Variants in GEMIN8 observed in about 807,000 individuals in gnomAD.
The protein encoded by GEMIN8 is gem-associated protein 8.
For synonymous variants in GEMIN8, 80 were observed against 78.5 expected, an observed-to-expected ratio of 1.02 and a Z score of -0.10; for missense variants, 185 against 205.9, an observed-to-expected ratio of 0.90 and a Z score of 0.62.
chrX:14,001,008 T>C, the GEMIN8 span, among the ~76,000 whole-genome samples: 1 of 112,517 alleles, frequency 8.9e-6, no homozygotes, highest in South Asian at 3.7e-4. Flanking sequence ...TCTACTTTTC[T>C]GTCTTCAGCT....
chrX:14,011,065 C>T (rs147966682), intron 4 of GEMIN8, among the ~76,000 whole-genome samples: 54 of 112,008 alleles, frequency 4.8e-4, no homozygotes, highest in Non-Finnish European at 2.8e-4. Context: ...TTCTTATTTC[C>T]GCAAGAGTTC....
chrX:14,019,936 T>C (rs1351105735), intron 4 of GEMIN8, 142 bp downstream of exon 4: 2 of 401,569 alleles, frequency 5.0e-6, no homozygotes, highest in East Asian at 7.8e-5. Flanking sequence ...AGCATCCCCA[T>C]AGCTTTTCCA....
In GEMIN8 at chrX:14,008,841, T is replaced by C; in HGVS notation, c.*72A>G. 4 of 1,011,567 alleles carry C rather than the reference T, an allele frequency of 4.0e-6. No individual in the cohort carries two copies. The highest frequency in any genetic ancestry group is 5.5e-6 in the Non-Finnish European group (4 of 730,643). 83.4% of individuals were successfully genotyped at this position (1,011,567 alleles called of 1,213,427 possible). Reference sequence around the variant, plus strand: ...TACAAAGTCCCCTTTCCCTAAGAAATGTACAGAAGGAGAGATAAAGAGCGT... The same window carrying C: ...TACAAAGTCCCCTTTCCCTAAGAAACGTACAGAAGGAGAGATAAAGAGCGT... On this transcript the variant is annotated 3_prime_UTR_variant, in exon 5 of 5. Coordinates refer to ENST00000680255, the MANE Select transcript of GEMIN8 (RefSeq NM_001042479.2).
At chrX:14,012,462 TTGCC>T (rs1250506042) in intron 4 of GEMIN8, among the ~76,000 whole-genome samples, 4 of 111,099 alleles carry the variant, frequency 3.6e-5, no homozygotes, top group African/African-American at 1.3e-4. Flanking sequence ...TATCCCCTCC[TTGCC>T]TCTCAAGAGA....
intron 2 of GEMIN8, 61 bp from the exon 3 acceptor site, chrX:14,021,572 T>C (rs1924319978): frequency 1.1e-5 from 9 of 815,394 alleles, no homozygotes; most frequent in Non-Finnish European, 9.0e-6. Flanking sequence ...TATTTGTGGC[T>C]ATTCTATGGT....
In GEMIN8 at chrX:14,014,310, G is replaced by A. The variant is rs949366308; in HGVS notation, c.473-5141C>T. Reference sequence around the variant, plus strand: ...TGAATGCCTCATTTCTGGCTTGTCAGCAACCACCCAGAACACAGGTACATG... The same window carrying A: ...TGAATGCCTCATTTCTGGCTTGTCAACAACCACCCAGAACACAGGTACATG... On this transcript the variant is annotated intron_variant, in intron 4 of 4. Transcript: ENST00000680255. The A allele has an allele frequency of 7.3e-5, 55 of 750,503 alleles. No individual in the cohort carries two copies. The Admixed American group carries it at 2.9e-3, about 40-fold the overall frequency. The allele number at this position is 750,503 out of a possible 1,213,427, so 61.8% of individuals were successfully genotyped here. A position where few individuals can be genotyped will look rare whatever the true frequency, so the allele number is the denominator to read the frequency against.
At chrX:14,018,680 G>C (rs191200831) in intron 4 of GEMIN8, among the ~76,000 whole-genome samples, 1 of 111,274 alleles carries the variant, frequency 9.0e-6, no homozygotes, top group East Asian at 2.8e-4. Context: ...AAAGTATTCT[G>C]TGTGTAATAG....
chrX:14,026,018 T>C (rs1333571322), intron 2 of GEMIN8, 122 bp downstream of exon 2: 1 of 731,766 alleles, frequency 1.4e-6, no homozygotes, highest in African/African-American at 2.3e-5. Context: ...TAAATAATTA[T>C]AGACATTACA....
downstream of GEMIN8, among the ~76,000 whole-genome samples, chrX:14,004,482 C>T (rs753093263): frequency 8.9e-6 from 1 of 112,448 alleles, no homozygotes; most frequent in South Asian, 3.7e-4. Flanking sequence ...AAAATGCCAC[C>T]GTGCCCTTCA....
chrX:14,009,546 C>CA lies in GEMIN8; in HGVS notation c.473-378dup, dbSNP rs202120388. On this transcript the variant is annotated intron_variant, in intron 4 of 4. Transcript: ENST00000680255. ...CAGGTGACAAAGCCAGACCCGGTGTCAAAAAAAAAAGAAAAAGAAATGGTG... is the reference window on the plus strand; with the variant it reads ...CAGGTGACAAAGCCAGACCCGGTGTCAAAAAAAAAAAGAAAAAGAAATGGTG... Among the ~76,000 whole-genome samples, 343 of 102,282 alleles carry CA rather than the reference C, an allele frequency of 3.4e-3. 2 individuals carry two copies. The highest frequency in any genetic ancestry group is 0.011 in the African/African-American group (301 of 28,082). The allele number at this position is 102,282 out of a possible 115,157, so 88.8% of individuals were successfully genotyped here.
intron 1 of GEMIN8, chrX:14,029,411 C>A (rs1391183114): frequency 2.7e-5 from 3 of 112,137 alleles, no homozygotes; most frequent in African/African-American, 9.7e-5. Flanking sequence ...CGGTGGTTCT[C>A]GGCACCCCAG....
At chrX:13,997,807 G>A in the GEMIN8 span, among the ~76,000 whole-genome samples, 7 of 106,556 alleles carry the variant, frequency 6.6e-5, no homozygotes, top group Non-Finnish European at 1.2e-4. Context: ...CTTGAGGCAT[G>A]AGAATTGCTT....
At chrX:13,993,156 C>T in the GEMIN8 span, among the ~76,000 whole-genome samples, 15 of 112,130 alleles carry the variant, frequency 1.3e-4, no homozygotes, top group African/African-American at 4.9e-4. Flanking sequence ...TGAGAAATGG[C>T]TTTGTTCATT....
At chrX:14,017,660 CCTT>C (rs749957178) in intron 4 of GEMIN8, among the ~76,000 whole-genome samples, 2 of 112,171 alleles carry the variant, frequency 1.8e-5, no homozygotes, top group South Asian at 7.5e-4. Flanking sequence ...GCCTCTCCCA[CCTT>C]CTGGATGTTC....
chrX:13,987,308 C>T, the GEMIN8 span, among the ~76,000 whole-genome samples: 68 of 112,313 alleles, frequency 6.1e-4, 1 homozygote, highest in East Asian at 0.015. Flanking sequence ...ATGTTAATTT[C>T]TATTTCAACC....
the GEMIN8 span, among the ~76,000 whole-genome samples, chrX:13,995,165 A>G: frequency 1.2e-4 from 13 of 111,644 alleles, no homozygotes; most frequent in East Asian, 5.6e-4. Flanking sequence ...ATTACCCCCA[A>G]TCTCCCAAGC....
chrX:14,020,609 T>A, intron 3 of GEMIN8, 75 bp from the exon 4 acceptor site: 1 of 669,219 alleles, frequency 1.5e-6, no homozygotes, highest in Non-Finnish European at 2.3e-6. Context: ...AAATGTTTAA[T>A]CTGCTACCCA....
At chrX:13,989,506 G>A in the GEMIN8 span, among the ~76,000 whole-genome samples, 1 of 112,749 alleles carries the variant, frequency 8.9e-6, no homozygotes, top group African/African-American at 3.2e-5. Flanking sequence ...ACAAACTCAA[G>A]CCCTGTCATT....
At chrX:14,003,386 T>G (rs1923036431), downstream of GEMIN8, among the ~76,000 whole-genome samples, 1 of 112,850 alleles carries the variant, frequency 8.9e-6, no homozygotes, top group African/African-American at 3.2e-5. Flanking sequence ...TTAATTTCTC[T>G]GTGCTTCAGT....
Sources: gnomAD v4.1 joint callset for allele counts (sites outside exome capture counted in the v4.1 genomes callset) on GRCh38, gnomAD v4.1.1 for gene constraint, MANE v1.5 for transcripts, NCBI Gene and HGNC (gene_info 2026-07-23, HGNC 2026-07-21) for gene names.